ERBB4: variants seen among roughly 807,000 people sequenced by gnomAD.
ERBB4 encodes the protein receptor tyrosine-protein kinase erbB-4.
ERBB4 carries 42 observed loss-of-function variants against 158.0 expected under a neutral mutation model. The ratio of observed to expected loss-of-function variants is 0.27; its 90% CI spans 0.21 to 0.34. The LOEUF is 0.34. Ranked by LOEUF, ERBB4 falls within the 10% of genes least tolerant of loss-of-function variation. The pLI, the probability that ERBB4 is intolerant of heterozygous loss-of-function variation, is 1.00. For synonymous variants in ERBB4, 583 were observed against 558.7 expected (o/e 1.04, Z -0.61); for missense variants, 1,333 against 1,624.1 (o/e 0.82, Z 3.08).
At chr2:212,243,199 C>CA (rs1180738258) in intron 1 of ERBB4, among the ~76,000 whole-genome samples, 23 of 151,678 alleles carry the variant, frequency 1.5e-4, no homozygotes, top group Admixed American at 1.1e-3. Context: ...TTTTAATATT[C>CA]AAAAAAAATT....
intron 20 of ERBB4, among the ~76,000 whole-genome samples, chr2:211,541,158 C>T (rs983005221): frequency 1.3e-5 from 2 of 151,818 alleles, no homozygotes; most frequent in Non-Finnish European, 2.9e-5. Flanking sequence ...ACAAAATTTT[C>T]CAGTTAAATA....
At chr2:211,386,413 C>CAAATCTT (rs1395398578) in intron 27 of ERBB4, among the ~76,000 whole-genome samples, 7 of 152,104 alleles carry the variant, frequency 4.6e-5, no homozygotes, top group Non-Finnish European at 1.0e-4. Context: ...ATGAGTCAAA[C>CAAATCTT]AAATCTTTTA....
chr2:212,011,655 C>A (rs921093139), intron 2 of ERBB4, among the ~76,000 whole-genome samples: 1 of 151,720 alleles, frequency 6.6e-6, no homozygotes, highest in Non-Finnish European at 1.5e-5. Context: ...GAGGCTGAGG[C>A]AGGAGAACTG....
Position 211,670,467 on chromosome 2 carries a change from C to A in ERBB4, c.1716+2697G>T, listed in dbSNP as rs532131613. Among the ~76,000 whole-genome samples, 10 of 152,128 alleles carry A rather than the reference C, an allele frequency of 6.6e-5. No homozygotes were observed. In the South Asian group the frequency reaches 1.2e-3, roughly 19 times the overall value. ...TAACCATCTCAAGTTTTTTGAGGAA[C>A]AATGAGTAAACAAACTGCAAAAACC... is the stretch of plus-strand genomic sequence containing the variant. On this transcript the variant is annotated intron_variant, in intron 14 of 27. Transcript: ENST00000342788.
intron 2 of ERBB4, among the ~76,000 whole-genome samples, chr2:212,037,559 A>C (rs2125363706): frequency 6.6e-6 from 1 of 152,364 alleles, no homozygotes; most frequent in African/African-American, 2.4e-5. Context: ...TCCTTATGTA[A>C]GTTAAAGTGG....
chr2:211,821,131 T>A lies in ERBB4; in HGVS notation c.422-32972A>T, dbSNP rs190540488. ...TTGTCCCTGTTTGTAGATGACACAA[T>A]CTTATATATAGACAGATCTGAAGAC... is the stretch of plus-strand genomic sequence containing the variant. On this transcript the variant is annotated intron_variant, in intron 3 of 27. Coordinates refer to ENST00000342788, the MANE Select transcript of ERBB4 (RefSeq NM_005235.3). Among the ~76,000 whole-genome samples the A allele has an allele frequency of 3.5e-3, 527 of 151,916 alleles. 2 individuals carry two copies. Among genetic ancestry groups the A allele is most frequent in the African/African-American group, 0.012 (500 of 41,500 alleles).
At chr2:211,987,709 T>A (rs1159740212) in intron 2 of ERBB4, among the ~76,000 whole-genome samples, 2 of 152,106 alleles carry the variant, frequency 1.3e-5, no homozygotes, top group Non-Finnish European at 2.9e-5. Context: ...GCAAAAAAAA[T>A]GCAATTGTTT....
chr2:211,694,842 A>G (rs1199854937), intron 12 of ERBB4, among the ~76,000 whole-genome samples: 1 of 152,188 alleles, frequency 6.6e-6, no homozygotes, highest in Non-Finnish European at 1.5e-5. Flanking sequence ...TCAAGATAGC[A>G]TGGGATGGGT....
intron 2 of ERBB4, among the ~76,000 whole-genome samples, chr2:212,004,777 T>C (rs1170253556): frequency 6.6e-6 from 1 of 152,060 alleles, no homozygotes; most frequent in Non-Finnish European, 1.5e-5. Flanking sequence ...TATTAATATT[T>C]GATTTATATT....
At chr2:211,862,893 C>T (rs1474415944) in intron 3 of ERBB4, among the ~76,000 whole-genome samples, 1 of 152,136 alleles carries the variant, frequency 6.6e-6, no homozygotes, top group East Asian at 1.9e-4. Flanking sequence ...ATCGTAAATG[C>T]ACCAATCAGC....
At chr2:211,927,386 T>C (rs1382326159) in intron 3 of ERBB4, among the ~76,000 whole-genome samples, 2 of 152,184 alleles carry the variant, frequency 1.3e-5, no homozygotes, top group African/African-American at 4.8e-5. Context: ...TACAAAAATA[T>C]ATTTTGCCTA....
intron 1 of ERBB4, among the ~76,000 whole-genome samples, chr2:212,207,731 C>T (rs56279734): frequency 0.022 from 3,373 of 151,406 alleles, 116 homozygotes; most frequent in African/African-American, 0.079. Flanking sequence ...TAATTCTGGG[C>T]AAGACACTTG....
At chr2:211,677,186 T>C (rs769626852) in intron 13 of ERBB4, among the ~76,000 whole-genome samples, 31 of 152,294 alleles carry the variant, frequency 2.0e-4, no homozygotes, top group Non-Finnish European at 3.2e-4. Context: ...AAAATTCCAA[T>C]GTTATTTATT....
intron 25 of ERBB4, among the ~76,000 whole-genome samples, chr2:211,406,616 C>T (rs1182770414): frequency 7.2e-5 from 11 of 152,092 alleles, no homozygotes; most frequent in Non-Finnish European, 1.5e-5. Context: ...GGCAATGCAT[C>T]ATTTTGGTAA....
chr2:211,663,611 T>C (rs1189329071), intron 15 of ERBB4, among the ~76,000 whole-genome samples: 8 of 152,066 alleles, frequency 5.3e-5, no homozygotes, highest in South Asian at 2.1e-4. Context: ...TATTATATAA[T>C]AATGATTTAA....
intron 2 of ERBB4, among the ~76,000 whole-genome samples, chr2:212,061,150 A>G (rs1277197544): frequency 6.6e-6 from 1 of 151,892 alleles, no homozygotes; most frequent in East Asian, 1.9e-4. Context: ...AACCTCTACC[A>G]AGTAAATATT....
At chr2:212,436,272 A>G (rs577892529) in intron 1 of ERBB4, among the ~76,000 whole-genome samples, 74 of 152,132 alleles carry the variant, frequency 4.9e-4, no homozygotes, top group African/African-American at 1.7e-3. Flanking sequence ...GAAACCAAAA[A>G]GTTTATATCC....
chr2:211,665,424 C>T lies in ERBB4; in HGVS notation c.1770G>A (p.Val590=), dbSNP rs1441171954. 6.2e-7 allele frequency: 1 copy of T among 1,613,934 alleles called. No homozygotes were observed. Reference sequence around the variant, plus strand: ...CCTGTAAGCCATCTGGACATTTTTCCACACAGTTTGGGCCATCTTTAAAAT... The same window carrying T: ...CCTGTAAGCCATCTGGACATTTTTCTACACAGTTTGGGCCATCTTTAAAAT... The part of the protein sequence containing the change: ...CSHFKDGPNC[V]EKCPDGLQGA... The change falls in exon 15 of 28, where the codon GTG becomes GTA. Residue 590 remains valine, a synonymous_variant. Coordinates refer to ENST00000342788, the MANE Select transcript of ERBB4 (RefSeq NM_005235.3).
intron 4 of ERBB4, among the ~76,000 whole-genome samples, chr2:211,776,660 G>GAGAA (rs1415440512): frequency 3.3e-5 from 5 of 152,188 alleles, no homozygotes; most frequent in African/African-American, 1.2e-4. Flanking sequence ...ATTAAAATAT[G>GAGAA]AGAAAGAAAG....
Sources: gnomAD v4.1 joint callset for allele counts (sites outside exome capture counted in the v4.1 genomes callset) on GRCh38, gnomAD v4.1.1 for gene constraint, MANE v1.5 for transcripts, NCBI Gene and HGNC (gene_info 2026-07-23, HGNC 2026-07-21) for gene names.